The following CLOCK variants were observed in gnomAD, a reference collection of about 807,000 sequenced individuals.
CLOCK encodes the protein circadian locomoter output cycles protein kaput.
A neutral mutation model predicts 118.4 loss-of-function variants in CLOCK; 43 were observed. The observed-to-expected ratio is 0.36, with a 90% CI of 0.28 to 0.47. The LOEUF is 0.47. Among genes scored for constraint, CLOCK ranks in the 20% least tolerant of loss-of-function variants. CLOCK has a pLI of 1.00. For synonymous variants in CLOCK, 326 were observed against 339.2 expected (o/e 0.96, Z 0.43); for missense variants, 846 against 999.9 (o/e 0.85, Z 2.08).
chr4:55,443,998 C>T (rs1026251482), intron 19 of CLOCK, 102 bp from the exon 20 acceptor site: 2 of 975,578 alleles, frequency 2.1e-6, no homozygotes, highest in Non-Finnish European at 3.1e-6. Context: ...GTTTAAAAAG[C>T]AAGTAACAAG....
At chr4:55,510,718 G>A (rs1017956061) in intron 1 of CLOCK, among the ~76,000 whole-genome samples, 2 of 151,914 alleles carry the variant, frequency 1.3e-5, no homozygotes, top group Non-Finnish European at 2.9e-5. Context: ...AAAGCAAGAG[G>A]GAAGAGGTGA....
intron 7 of CLOCK, among the ~76,000 whole-genome samples, chr4:55,475,141 C>T (rs1726419299): frequency 6.6e-6 from 1 of 152,050 alleles, no homozygotes; most frequent in African/African-American, 2.4e-5. Context: ...AAAATATCAA[C>T]ATTACCAAGA....
chr4:55,488,486 C>T (rs1293753959), intron 3 of CLOCK, among the ~76,000 whole-genome samples: 2 of 152,152 alleles, frequency 1.3e-5, no homozygotes, highest in Admixed American at 6.5e-5. Context: ...TGCTTCTCTC[C>T]CAGTTTTTTC....
intron 17 of CLOCK, 107 bp downstream of exon 17, chr4:55,449,289 T>C (rs1724217687): frequency 2.9e-6 from 3 of 1,024,224 alleles, no homozygotes; most frequent in Non-Finnish European, 1.5e-6. Context: ...GTAACTATTT[T>C]GATCTTTACA....
chr4:55,490,877 A>G (rs916694158), intron 2 of CLOCK, among the ~76,000 whole-genome samples: 2 of 152,130 alleles, frequency 1.3e-5, no homozygotes, highest in Non-Finnish European at 2.9e-5. Context: ...CCACCCAACA[A>G]CAGCAGAATA....
chr4:55,538,614 G>A (rs1366966669), intron 1 of CLOCK, among the ~76,000 whole-genome samples: 1 of 151,980 alleles, frequency 6.6e-6, no homozygotes, highest in Non-Finnish European at 1.5e-5. Flanking sequence ...AAGAAAAAAG[G>A]GGCAGAATAT....
chr4:55,462,178 T>G (rs1200830293), intron 9 of CLOCK, among the ~76,000 whole-genome samples: 1 of 152,250 alleles, frequency 6.6e-6, no homozygotes, highest in African/African-American at 2.4e-5. Context: ...CCTAAGCTCT[T>G]TCTGCCAAAG....
At chr4:55,543,826 C>T (rs190181489) in intron 1 of CLOCK, among the ~76,000 whole-genome samples, 3 of 151,276 alleles carry the variant, frequency 2.0e-5, no homozygotes, top group East Asian at 1.9e-4. Flanking sequence ...AAAGATTGAA[C>T]GGACCCACAT....
At chr4:55,444,814 A>T in intron 18 of CLOCK, 29 bp from the exon 19 acceptor site, 1 of 1,608,286 alleles carries the variant, frequency 6.2e-7, no homozygotes, top group Non-Finnish European at 8.5e-7. Context: ...AAAAAGTGTA[A>T]TATATTTTAG....
intron 1 of CLOCK, among the ~76,000 whole-genome samples, chr4:55,534,686 C>T (rs1338566577): frequency 1.3e-5 from 2 of 152,124 alleles, no homozygotes; most frequent in African/African-American, 2.4e-5. Context: ...AGAATAGTAG[C>T]TGGCACAGAA....
At chr4:55,522,445 A>G (rs1457162841) in intron 1 of CLOCK, among the ~76,000 whole-genome samples, 1 of 152,116 alleles carries the variant, frequency 6.6e-6, no homozygotes, top group African/African-American at 2.4e-5. Context: ...AAGATACTAC[A>G]TATCAGTAAG....
In CLOCK at chr4:55,438,216, T is replaced by C. The variant is rs1723047179; in HGVS notation, c.2361+66A>G. 7 of 1,562,502 alleles carry C rather than the reference T, an allele frequency of 4.5e-6. No individual in the cohort carries two copies. The South Asian group carries it at 7.8e-5, about 17-fold the overall frequency. ...TCACATCACTCACAAATCTGTTCAC[T>C]TAATGCTTAATTTCATTACATGAAA... is the stretch of plus-strand genomic sequence containing the variant. On this transcript the variant is annotated intron_variant, in intron 22 of 22. Transcript: ENST00000513440.
At chr4:55,457,309 T>G (rs1283842050) in intron 11 of CLOCK, among the ~76,000 whole-genome samples, 1 of 152,216 alleles carries the variant, frequency 6.6e-6, no homozygotes, top group African/African-American at 2.4e-5. Flanking sequence ...AAAAACATAC[T>G]CTTTCATTTT....
Position 55,449,390 on chromosome 4 carries a change from G to A in CLOCK, c.1449+6C>T. On this transcript the variant is annotated splice_donor_region_variant and intron_variant, in intron 17 of 22. Transcript: ENST00000513440. ...TATTCAGAAGAATATCCACTAAAGA[G>A]CTTACCTGACTACTAAATGATGACC... 1 of 1,608,846 alleles carries A rather than the reference G, an allele frequency of 6.2e-7. No homozygotes were observed. The highest frequency in any genetic ancestry group is 8.5e-7 in the Non-Finnish European group (1 of 1,175,334).
chr4:55,542,713 A>C (rs943047251), intron 1 of CLOCK, among the ~76,000 whole-genome samples: 7 of 152,028 alleles, frequency 4.6e-5, no homozygotes, highest in African/African-American at 1.7e-4. Flanking sequence ...TCAAAAGCTA[A>C]ATTTTATCCA....
intron 4 of CLOCK, among the ~76,000 whole-genome samples, chr4:55,480,004 C>A (rs1024200687): frequency 6.6e-6 from 1 of 152,066 alleles, no homozygotes; most frequent in African/African-American, 2.4e-5. Flanking sequence ...ACGGTAAAAA[C>A]GTATAGAAAG....
chr4:55,448,939 C>A, intron 17 of CLOCK, 71 bp from the exon 18 acceptor site: 1 of 1,151,736 alleles, frequency 8.7e-7, no homozygotes, highest in South Asian at 1.3e-5. Flanking sequence ...GCAGAAATAT[C>A]AATATGATAT....
intron 1 of CLOCK, among the ~76,000 whole-genome samples, chr4:55,525,729 CA>C (rs1449689820): frequency 6.6e-6 from 1 of 152,084 alleles, no homozygotes; most frequent in Non-Finnish European, 1.5e-5. Context: ...CTCGGCCTCC[CA>C]AAGTGCTGGA....
chr4:55,527,074 T>A (rs1381029174), intron 1 of CLOCK, among the ~76,000 whole-genome samples: 1 of 149,370 alleles, frequency 6.7e-6, no homozygotes, highest in Non-Finnish European at 1.5e-5. Flanking sequence ...TAAAATGACA[T>A]CAAAAGGAAT....
Sources: gnomAD v4.1 joint callset for allele counts (sites outside exome capture counted in the v4.1 genomes callset) on GRCh38, gnomAD v4.1.1 for gene constraint, MANE v1.5 for transcripts, NCBI Gene and HGNC (gene_info 2026-07-23, HGNC 2026-07-21) for gene names.